ZFYVE9: variants seen among roughly 807,000 people sequenced by gnomAD.
ZFYVE9 encodes zinc finger FYVE-type containing 9.
In ZFYVE9, 43 loss-of-function variants were observed where a neutral mutation model predicts 126.7. The ratio of observed to expected loss-of-function variants is 0.34; its 90% confidence interval spans 0.27 to 0.44. The LOEUF (loss-of-function observed/expected upper bound fraction) is 0.44, where lower values mean the gene tolerates loss of function less well. Among genes scored for constraint, ZFYVE9 ranks in the 20% least tolerant of loss-of-function variants. ZFYVE9 has a pLI of 1.00. For missense variants in ZFYVE9, 1,476 were observed against 1,697.0 expected (o/e 0.87, Z 2.29); for synonymous variants, 521 against 597.4 (o/e 0.87, Z 1.87).
intron 1 of ZFYVE9, among the ~76,000 whole-genome samples, chr1:52,147,042 C>T (rs940054157): frequency 5.3e-5 from 8 of 152,000 alleles, no homozygotes; most frequent in Non-Finnish European, 1.0e-4. Flanking sequence ...AACTTTGTTT[C>T]ATGTACAAAA....
intron 1 of ZFYVE9, among the ~76,000 whole-genome samples, chr1:52,174,309 T>C (rs1206002526): frequency 2.0e-5 from 3 of 151,342 alleles, no homozygotes; most frequent in East Asian, 1.9e-4. Flanking sequence ...TGTAGTTGAG[T>C]GGTTTTGAGT....
At chr1:52,159,243 ACC>A (rs1644432892) in intron 1 of ZFYVE9, among the ~76,000 whole-genome samples, 2 of 152,206 alleles carry the variant, frequency 1.3e-5, no homozygotes, top group South Asian at 4.1e-4. Flanking sequence ...CTCACATACC[ACC>A]TGGGATGAGA....
At chr1:52,318,951 G>T (rs184198863) in intron 13 of ZFYVE9, among the ~76,000 whole-genome samples, 1 of 152,190 alleles carries the variant, frequency 6.6e-6, no homozygotes, top group Non-Finnish European at 1.5e-5. Flanking sequence ...ACAAAAATTA[G>T]CCAGGTGTCA....
chr1:52,274,295 ATTTG>A (rs1442574395), intron 7 of ZFYVE9, among the ~76,000 whole-genome samples, 165 bp from the exon 8 acceptor site: 1 of 152,118 alleles, frequency 6.6e-6, no homozygotes, highest in Non-Finnish European at 1.5e-5. Flanking sequence ...TATAAGCCTG[ATTTG>A]TTTTTTTGTT....
chr1:52,321,799 G>A (rs1379029765), intron 13 of ZFYVE9, among the ~76,000 whole-genome samples: 1 of 152,084 alleles, frequency 6.6e-6, no homozygotes, highest in Non-Finnish European at 1.5e-5. Flanking sequence ...CTCATTTATC[G>A]TAATTTAATT....
chr1:52,144,899 T>G (rs1191633702), intron 1 of ZFYVE9, among the ~76,000 whole-genome samples: 1 of 152,174 alleles, frequency 6.6e-6, no homozygotes, highest in East Asian at 1.9e-4. Flanking sequence ...TAAATAAATC[T>G]GAAAAGGTAT....
intron 1 of ZFYVE9, among the ~76,000 whole-genome samples, chr1:52,181,823 G>T (rs1644708217): frequency 6.6e-6 from 1 of 150,948 alleles, no homozygotes; most frequent in Non-Finnish European, 1.5e-5. Context: ...CCCCGTCTGA[G>T]AAGCGAGGAG....
rs191190842 is a variant in ZFYVE9, at chr1:52,181,740, G to A, written c.-142-34629G>A. Among the ~76,000 whole-genome samples the A allele has an allele frequency of 3.9e-3, 593 of 151,214 alleles. 12 individuals are homozygous for A. The South Asian group carries it at 0.043, about 11-fold the overall frequency. On this transcript the variant is annotated intron_variant, in intron 1 of 18. Coordinates refer to ENST00000287727, the MANE Select transcript of ZFYVE9 (RefSeq NM_004799.4). The stretch of plus-strand genomic sequence containing the variant: ...GGGAGCGCCTCTGCCCCGCTGCCCC[G>A]TCTGGGATGTGAGGAGCGCCTCTGC...
intron 1 of ZFYVE9, among the ~76,000 whole-genome samples, chr1:52,176,508 T>A (rs1644630901): frequency 6.6e-6 from 1 of 152,216 alleles, no homozygotes; most frequent in South Asian, 2.1e-4. Context: ...GGAGAACCAC[T>A]GCTCTCTTCA....
At chr1:52,223,846 A>G (rs1283150327) in intron 2 of ZFYVE9, among the ~76,000 whole-genome samples, 1 of 152,154 alleles carries the variant, frequency 6.6e-6, no homozygotes, top group Non-Finnish European at 1.5e-5. Context: ...CATTTTGAAC[A>G]GGAGGGTGTT....
At position 52,148,698 on chromosome 1, in the gene ZFYVE9, G is replaced by A. The variant is rs112132351; in HGVS notation, c.-143+6295G>A. On this transcript the variant is annotated intron_variant, in intron 1 of 18. Transcript: ENST00000287727. ...GCTCTGTTGCCCAGGCTGGAGTGCG[G>A]TGGCGCAGTCTTGGCTCACTGCAAC... Among the ~76,000 whole-genome samples the A allele has an allele frequency of 9.9e-3, 1,493 of 150,620 alleles. 37 individuals carry two copies. Among genetic ancestry groups the A allele is most frequent in the African/African-American group, 0.035 (1,442 of 41,212 alleles).
chr1:52,286,811 A>G (rs968110889), intron 10 of ZFYVE9, among the ~76,000 whole-genome samples: 1 of 152,104 alleles, frequency 6.6e-6, no homozygotes, highest in Non-Finnish European at 1.5e-5. Flanking sequence ...ATCTGTTCCT[A>G]TATTTTTAGT....
At chr1:52,173,051 G>A (rs1214989649) in intron 1 of ZFYVE9, among the ~76,000 whole-genome samples, 3 of 151,334 alleles carry the variant, frequency 2.0e-5, no homozygotes, top group African/African-American at 7.3e-5. Flanking sequence ...GAATAGGAGT[G>A]GTGAGAGAGG....
Position 52,346,050 on chromosome 1 carries a change from T to G in ZFYVE9, c.4117-10T>G, listed in dbSNP as rs745715245. ...CAGTAACCTCTCCTCCTTTTCTCTC[T>G]GTGGTATAGGTTGGCTATCAAGCAG... On this transcript the variant is annotated splice_polypyrimidine_tract_variant and intron_variant, in intron 18 of 18. Coordinates refer to ENST00000287727, the MANE Select transcript of ZFYVE9 (RefSeq NM_004799.4). 20 of 1,577,986 alleles carry G rather than the reference T, an allele frequency of 1.3e-5. No homozygotes were observed. Among genetic ancestry groups the G allele is most frequent in the Admixed American group, 1.8e-5 (1 of 54,862 alleles).
At chr1:52,176,895 C>T (rs1644637432) in intron 1 of ZFYVE9, among the ~76,000 whole-genome samples, 1 of 152,148 alleles carries the variant, frequency 6.6e-6, no homozygotes, top group South Asian at 2.1e-4. Flanking sequence ...TGCCGTCTGT[C>T]ACCCCTTTCC....
intron 1 of ZFYVE9, among the ~76,000 whole-genome samples, chr1:52,152,659 A>G (rs1350103229): frequency 6.6e-6 from 1 of 152,240 alleles, no homozygotes; most frequent in East Asian, 1.9e-4. Flanking sequence ...TACAGGCTCT[A>G]GAGTCAAACT....
intron 1 of ZFYVE9, among the ~76,000 whole-genome samples, chr1:52,148,870 C>T (rs894871604): frequency 2.0e-5 from 3 of 150,502 alleles, no homozygotes; most frequent in Admixed American, 6.6e-5. Context: ...TCAAACTGAC[C>T]TCAAGTGATC....
At chr1:52,287,280 T>G (rs1326955459) in intron 10 of ZFYVE9, among the ~76,000 whole-genome samples, 3 of 152,182 alleles carry the variant, frequency 2.0e-5, no homozygotes, top group East Asian at 1.9e-4. Context: ...CTTGGAATAA[T>G]TTTTGTGTTT....
rs554745069 is a variant in ZFYVE9, at chr1:52,276,171, G to A, written c.2746+1587G>A. ...TTTGCCCACCTCGGCCTCCCAAAGT[G>A]CTGGGATTACAGGCGTGAGCTACCA... On this transcript the variant is annotated intron_variant, in intron 8 of 18. Coordinates refer to ENST00000287727, the MANE Select transcript of ZFYVE9 (RefSeq NM_004799.4). 2.6e-5 allele frequency among the ~76,000 whole-genome samples: 4 copies of A among 152,248 alleles called. No homozygotes were observed. In the East Asian group the frequency reaches 7.7e-4, roughly 29 times the overall value.
Sources: gnomAD v4.1 joint callset for allele counts (sites outside exome capture counted in the v4.1 genomes callset) on GRCh38, gnomAD v4.1.1 for gene constraint, MANE v1.5 for transcripts, NCBI Gene and HGNC (gene_info 2026-07-23, HGNC 2026-07-21) for gene names.